The following VIT variants were observed in gnomAD, a reference collection of about 807,000 sequenced individuals.
VIT encodes the protein vitrin.
In VIT, 99 loss-of-function variants were observed where a neutral mutation model predicts 78.0. The ratio of observed to expected loss-of-function variants is 1.27; its 90% confidence interval spans 1.08 to 1.50. VIT has a LOEUF of 1.50. VIT is among the 40% of genes most tolerant of loss of function. The probability of loss-of-function intolerance (pLI) is 0.00; values close to 1 mark genes in which losing one functional copy is unlikely to be tolerated. For synonymous variants in VIT, 374 were observed against 334.3 expected (o/e 1.12, Z -1.29); for missense variants, 1,126 against 875.3 (o/e 1.29, Z -3.61).
At chr2:36,744,211 A>C (rs2148519533) in intron 4 of VIT, among the ~76,000 whole-genome samples, 1 of 152,302 alleles carries the variant, frequency 6.6e-6, no homozygotes, top group African/African-American at 2.4e-5. Context: ...TCCATCACTG[A>C]TAGACACCTT....
chr2:36,803,197 C>A (rs371742067), intron 13 of VIT, among the ~76,000 whole-genome samples: 13 of 152,146 alleles, frequency 8.5e-5, no homozygotes, highest in African/African-American at 2.2e-4. Context: ...AGCACCTCTG[C>A]GGACAGTATC....
chr2:36,705,909 C>T (rs949328592), intron 1 of VIT, among the ~76,000 whole-genome samples: 5 of 152,210 alleles, frequency 3.3e-5, no homozygotes, highest in Non-Finnish European at 7.3e-5. Flanking sequence ...AGTATCTCCA[C>T]TCTGGCCTCC....
chr2:36,706,084 T>C (rs895845988), intron 1 of VIT, among the ~76,000 whole-genome samples: 1 of 152,140 alleles, frequency 6.6e-6, no homozygotes, highest in Non-Finnish European at 1.5e-5. Flanking sequence ...GACAGCATGG[T>C]TTCAAGGTCA....
At chr2:36,801,426 T>C (rs778214701) in intron 13 of VIT, 22 bp downstream of exon 13, 2 of 1,560,612 alleles carry the variant, frequency 1.3e-6, no homozygotes, top group Non-Finnish European at 1.8e-6. Context: ...GGATTCAAAT[T>C]ATACTATCTT....
intron 12 of VIT, among the ~76,000 whole-genome samples, chr2:36,796,110 TAA>T (rs149375506): frequency 0.087 from 12,224 of 141,032 alleles, 1,142 homozygotes; most frequent in African/African-American, 0.23. Flanking sequence ...CATGACTGAT[TAA>T]AAAAAAAAAA....
chr2:36,724,515 C>A (rs1032329723), intron 2 of VIT, among the ~76,000 whole-genome samples: 1 of 152,154 alleles, frequency 6.6e-6, no homozygotes, highest in Non-Finnish European at 1.5e-5. Flanking sequence ...TTACCATTTC[C>A]AGTGTAGCAA....
chr2:36,736,403 T>G (rs1454250387), intron 3 of VIT, among the ~76,000 whole-genome samples: 1 of 152,260 alleles, frequency 6.6e-6, no homozygotes, highest in African/African-American at 2.4e-5. Context: ...TCATATATTT[T>G]CACATAAATT....
At chr2:36,783,519 T>G (rs1276542464) in intron 11 of VIT, 117 bp downstream of exon 11, 1 of 966,176 alleles carries the variant, frequency 1.0e-6, no homozygotes, top group Non-Finnish European at 1.6e-6. Context: ...TCTATTTATC[T>G]CCTCTCTTCT....
chr2:36,758,254 C>T (rs1336323151), intron 5 of VIT, among the ~76,000 whole-genome samples: 2 of 152,214 alleles, frequency 1.3e-5, no homozygotes, highest in African/African-American at 4.8e-5. Context: ...GAAAATTCAA[C>T]CGTTACCAAG....
At position 36,801,370 on chromosome 2, in the gene VIT, G is replaced by A; in HGVS notation, c.1128G>A (p.Glu376=). The A allele has an allele frequency of 6.2e-7, 1 of 1,614,034 alleles. No homozygotes were observed. Among genetic ancestry groups the A allele is most frequent in the Non-Finnish European group, 8.5e-7 (1 of 1,180,012 alleles). ...TNSRDLKTAI[E]KITQRGGLSN... Reference sequence around the variant, plus strand: ...CTCGAGATCTGAAGACAGCCATAGAGAAAATTACTCAGAGAGGAGGACTTT... The same window carrying A: ...CTCGAGATCTGAAGACAGCCATAGAAAAAATTACTCAGAGAGGAGGACTTT... Residue 376 remains glutamate, a synonymous_variant, in exon 13 of 16, where the codon GAG becomes GAA. Coordinates refer to ENST00000379242, the MANE Select transcript of VIT (RefSeq NM_053276.4).
intron 1 of VIT, among the ~76,000 whole-genome samples, chr2:36,710,257 T>A (rs150821934): frequency 5.8e-4 from 88 of 152,342 alleles, no homozygotes; most frequent in African/African-American, 2.1e-3. Flanking sequence ...TATTAACATA[T>A]ACGCACAGGG....
intron 4 of VIT, among the ~76,000 whole-genome samples, chr2:36,749,584 C>T (rs1668336825): frequency 6.6e-6 from 1 of 152,170 alleles, no homozygotes; most frequent in Non-Finnish European, 1.5e-5. Flanking sequence ...TTATGCACAT[C>T]TTAAAGGTGA....
chr2:36,797,137 C>T (rs1343256841), intron 12 of VIT, among the ~76,000 whole-genome samples: 1 of 149,914 alleles, frequency 6.7e-6, no homozygotes, highest in Non-Finnish European at 1.5e-5. Context: ...GTTGATAACC[C>T]TTGGTCACTA....
intron 7 of VIT, among the ~76,000 whole-genome samples, chr2:36,772,810 G>A (rs1235413833): frequency 2.0e-5 from 3 of 152,204 alleles, no homozygotes; most frequent in Non-Finnish European, 4.4e-5. Flanking sequence ...GATAACTCCA[G>A]TTCTAAGACA....
At chr2:36,791,052 G>A (rs1665465517) in intron 12 of VIT, among the ~76,000 whole-genome samples, 1 of 152,144 alleles carries the variant, frequency 6.6e-6, no homozygotes, top group Admixed American at 6.5e-5. Context: ...CAGTATAAAT[G>A]GAACATAATT....
intron 7 of VIT, among the ~76,000 whole-genome samples, chr2:36,769,104 G>A (rs1669605221): frequency 6.6e-6 from 1 of 152,176 alleles, no homozygotes; most frequent in South Asian, 2.1e-4. Context: ...ATGCTGGATG[G>A]CAAGGGTTAA....
At chr2:36,749,431 C>T (rs1668327299) in intron 4 of VIT, among the ~76,000 whole-genome samples, 1 of 152,160 alleles carries the variant, frequency 6.6e-6, no homozygotes. Context: ...ACCACTCTTG[C>T]TTAAGTTTAT....
intron 12 of VIT, among the ~76,000 whole-genome samples, chr2:36,793,459 T>G (rs1437884723): frequency 6.6e-6 from 1 of 152,206 alleles, no homozygotes; most frequent in Non-Finnish European, 1.5e-5. Flanking sequence ...CACCCTGGGC[T>G]GGTCATAGCT....
intron 1 of VIT, among the ~76,000 whole-genome samples, chr2:36,698,947 AAAAAGAAAAGAAAAG>A (rs1192289797): frequency 6.6e-6 from 1 of 151,864 alleles, no homozygotes; most frequent in Admixed American, 6.6e-5. Context: ...TGGTCTCAAA[AAAAAGAAAAGAAAAG>A]AAAAGAAAAG....
Sources: gnomAD v4.1 joint callset for allele counts (sites outside exome capture counted in the v4.1 genomes callset) on GRCh38, gnomAD v4.1.1 for gene constraint, MANE v1.5 for transcripts, NCBI Gene and HGNC (gene_info 2026-07-23, HGNC 2026-07-21) for gene names.